Variants in CNTN1 observed in about 807,000 individuals in gnomAD.
The protein encoded by CNTN1 is contactin 1, also known as contactin-1.
In CNTN1, 38 loss-of-function variants were observed where a neutral mutation model predicts 126.4. That is an observed-to-expected ratio of 0.30 (90% CI 0.23 to 0.39). The LOEUF is 0.39. CNTN1 is among the 10% of genes least tolerant of loss of function. The pLI, the probability that CNTN1 is intolerant of heterozygous loss-of-function variation, is 1.00. For missense variants in CNTN1, 1,009 were observed against 1,248.4 expected (o/e 0.81, Z 2.89); for synonymous variants, 413 against 422.6 (o/e 0.98, Z 0.28).
chr12:40,908,206 C>T lies in CNTN1; in HGVS notation c.-76-151C>T, dbSNP rs955309208. 3 of 518,178 alleles carry T rather than the reference C, an allele frequency of 5.8e-6. No homozygotes were observed. The African/African-American group carries it at 5.8e-5, about 10-fold the overall frequency. The allele number at this position is 518,178 out of a possible 1,614,324, so 32.1% of individuals were successfully genotyped here. On this transcript the variant is annotated intron_variant, in intron 1 of 23. Transcript: ENST00000551295. Reference sequence around the variant, plus strand: ...GAAAACTTATTCTACAAACGAAAAGCATAAAGTCACATAGGTTAATAATGT... The same window carrying T: ...GAAAACTTATTCTACAAACGAAAAGTATAAAGTCACATAGGTTAATAATGT...
At chr12:40,937,788 G>A in intron 11 of CNTN1, 101 bp downstream of exon 11, 2 of 785,622 alleles carry the variant, frequency 2.5e-6, no homozygotes, top group Non-Finnish European at 4.6e-6. Context: ...TATTGTGTTA[G>A]GTGTACAACA....
At chr12:40,979,551 T>C (rs1947767173) in intron 15 of CNTN1, among the ~76,000 whole-genome samples, 1 of 152,084 alleles carries the variant, frequency 6.6e-6, no homozygotes, top group Non-Finnish European at 1.5e-5. Context: ...ATATTAAATA[T>C]GCCTAAATCA....
intron 1 of CNTN1, among the ~76,000 whole-genome samples, chr12:40,829,372 T>C (rs905603789): frequency 3.3e-5 from 5 of 152,092 alleles, no homozygotes; most frequent in African/African-American, 1.2e-4. Context: ...CACTATAATA[T>C]ATAGGTATAT....
At chr12:40,847,070 A>G (rs545951564) in intron 1 of CNTN1, among the ~76,000 whole-genome samples, 4 of 151,754 alleles carry the variant, frequency 2.6e-5, no homozygotes, top group East Asian at 1.9e-4. Flanking sequence ...GTTTCCCTAT[A>G]TTGGCCAGGC....
chr12:41,047,158 C>A (rs761165802), intron 23 of CNTN1, among the ~76,000 whole-genome samples: 2 of 152,084 alleles, frequency 1.3e-5, no homozygotes, highest in Non-Finnish European at 2.9e-5. Context: ...TACCTAGAGA[C>A]TCTGAGATAT....
At position 40,908,393 on chromosome 12, in the gene CNTN1, CT is replaced by C; in HGVS notation, c.-34del. ...TATCCAACTGCCATAGAGCTAAATT[CT>C]TTTTTGGAAAATTGAACCGAACTTC... On this transcript the variant is annotated 5_prime_UTR_variant, in exon 2 of 24. Transcript: ENST00000551295. The C allele has an allele frequency of 1.3e-6, 2 of 1,573,608 alleles. No homozygotes were observed. The highest frequency in any genetic ancestry group is 1.7e-6 in the Non-Finnish European group (2 of 1,144,840).
At chr12:40,755,855 G>C (rs1423103501) in intron 1 of CNTN1, among the ~76,000 whole-genome samples, 1 of 152,062 alleles carries the variant, frequency 6.6e-6, no homozygotes, top group Non-Finnish European at 1.5e-5. Flanking sequence ...AGTAAGGGTG[G>C]AATTGAGGGA....
intron 1 of CNTN1, among the ~76,000 whole-genome samples, chr12:40,828,705 A>G (rs1348156490): frequency 1.3e-5 from 2 of 152,198 alleles, no homozygotes; most frequent in Non-Finnish European, 2.9e-5. Flanking sequence ...GTGGGTAGAC[A>G]CCAGAAATGC....
intron 1 of CNTN1, among the ~76,000 whole-genome samples, chr12:40,766,860 T>C (rs920595368): frequency 6.6e-6 from 1 of 152,146 alleles, no homozygotes; most frequent in Non-Finnish European, 1.5e-5. Context: ...GTGTGGATAG[T>C]GGTGCTTCTC....
intron 15 of CNTN1, chr12:40,972,530 A>G (rs764008545): frequency 9.3e-5 from 79 of 848,276 alleles, no homozygotes; most frequent in Non-Finnish European, 1.0e-4. Flanking sequence ...GGAAATGAAT[A>G]TAACTCTTAA....
chr12:41,041,659 A>G (rs370441254), intron 23 of CNTN1, among the ~76,000 whole-genome samples: 2 of 152,002 alleles, frequency 1.3e-5, no homozygotes, highest in African/African-American at 4.8e-5. Flanking sequence ...TGTATGTGTC[A>G]AGGAATTTAT....
At chr12:41,018,423 T>C (rs1253120977) in intron 19 of CNTN1, among the ~76,000 whole-genome samples, 1 of 152,090 alleles carries the variant, frequency 6.6e-6, no homozygotes, top group African/African-American at 2.4e-5. Flanking sequence ...CACAGAATTA[T>C]TAGTTTTAGT....
chr12:41,022,112 C>A (rs117920467), intron 20 of CNTN1, among the ~76,000 whole-genome samples: 1 of 151,800 alleles, frequency 6.6e-6, no homozygotes, highest in African/African-American at 2.4e-5. Flanking sequence ...TATATATTGA[C>A]GATTTGCTTA....
At chr12:40,930,143 C>T (rs1945833588) in intron 7 of CNTN1, 141 bp downstream of exon 7, 2 of 749,388 alleles carry the variant, frequency 2.7e-6, no homozygotes, top group East Asian at 2.6e-5. Context: ...GTTGAAGGGG[C>T]CAAAGGCTTG....
intron 1 of CNTN1, among the ~76,000 whole-genome samples, chr12:40,847,962 T>C (rs1278525395): frequency 1.3e-5 from 2 of 152,206 alleles, no homozygotes; most frequent in Admixed American, 1.3e-4. Context: ...CAGTTCACAA[T>C]AGAGTTTGCG....
At chr12:40,901,264 A>T (rs1259970572) in intron 1 of CNTN1, among the ~76,000 whole-genome samples, 1 of 152,214 alleles carries the variant, frequency 6.6e-6, no homozygotes, top group East Asian at 1.9e-4. Context: ...GATATTTAAA[A>T]TCCGTTCTTG....
intron 1 of CNTN1, among the ~76,000 whole-genome samples, chr12:40,783,772 G>T (rs1416824509): frequency 6.6e-6 from 1 of 152,074 alleles, no homozygotes; most frequent in Non-Finnish European, 1.5e-5. Context: ...TCTTATGCTA[G>T]AAATTCATTT....
intron 5 of CNTN1, among the ~76,000 whole-genome samples, chr12:40,923,955 G>T (rs1945540950): frequency 6.6e-6 from 1 of 152,022 alleles, no homozygotes; most frequent in Non-Finnish European, 1.5e-5. Context: ...AACAAATGAA[G>T]AACTGGAAGA....
chr12:40,794,407 G>T (rs1487007826), intron 1 of CNTN1, among the ~76,000 whole-genome samples: 3 of 151,220 alleles, frequency 2.0e-5, no homozygotes, highest in African/African-American at 7.3e-5. Flanking sequence ...CTGTTTTATA[G>T]CCTGCCCCTT....
Sources: allele counts gnomAD v4.1 joint callset (sites outside exome capture counted in the v4.1 genomes callset), GRCh38; gene constraint gnomAD v4.1.1; transcripts MANE v1.5; gene names NCBI Gene and HGNC (gene_info 2026-07-23, HGNC 2026-07-21).